The following DPP6 variants were observed in gnomAD, a reference collection of about 807,000 sequenced individuals.
The protein encoded by DPP6 is dipeptidyl peptidase like 6, also known as A-type potassium channel modulatory protein DPP6.
In DPP6, 69 loss-of-function variants were observed where a neutral mutation model predicts 122.6. The ratio of observed to expected loss-of-function variants is 0.56; its 90% CI spans 0.46 to 0.69. The LOEUF (loss-of-function observed/expected upper bound fraction) is 0.69. DPP6 is among the 30% of genes least tolerant of loss of function. DPP6 has a pLI of 0.00. For synonymous variants in DPP6, 418 were observed against 433.1 expected (o/e 0.97, Z 0.43); for missense variants, 928 against 1,116.9 (o/e 0.83, Z 2.41).
At chr7:154,055,797 G>A (rs1057358690) in intron 1 of DPP6, 13 of 152,216 alleles carry the variant, frequency 8.5e-5, no homozygotes, top group African/African-American at 3.1e-4. Context: ...TGGCTTTATC[G>A]CTGTTCTCTG....
At chr7:154,081,336 T>G (rs373389583) in intron 1 of DPP6, among the ~76,000 whole-genome samples, 5 of 147,016 alleles carry the variant, frequency 3.4e-5, no homozygotes, top group Non-Finnish European at 7.6e-5. Flanking sequence ...TTTCAACACC[T>G]TAGACTCTGA....
intron 1 of DPP6, among the ~76,000 whole-genome samples, chr7:154,136,198 T>C (rs1253654544): frequency 6.6e-6 from 1 of 152,184 alleles, no homozygotes; most frequent in Non-Finnish European, 1.5e-5. Context: ...TTTTTCTTGG[T>C]GGCACTTACA....
intron 1 of DPP6, among the ~76,000 whole-genome samples, chr7:154,142,164 C>A (rs1424333501): frequency 6.6e-6 from 1 of 151,524 alleles, no homozygotes; most frequent in South Asian, 2.1e-4. Context: ...TTAATTCATT[C>A]CACACATACT....
rs535125519 is a variant in DPP6 at position 154,604,753 on chromosome 7, T to A, written c.628-33068T>A. 1.1e-4 allele frequency among the ~76,000 whole-genome samples: 13 copies of A among 121,288 alleles called. 3 individuals carry two copies. Among genetic ancestry groups the A allele is most frequent in the Non-Finnish European group, 2.2e-4 (12 of 53,596 alleles). The allele number at this position is 121,288 out of a possible 152,430, so 79.6% of individuals were successfully genotyped here. A position where few individuals can be genotyped will look rare whatever the true frequency, so the allele number is the denominator to read the frequency against. On this transcript the variant is annotated intron_variant, in intron 5 of 25. Coordinates refer to ENST00000377770, the MANE Select transcript of DPP6 (RefSeq NM_130797.4). Reference sequence around the variant, plus strand: ...TCATTAGTAGGAATCTTGTATATAGTGAAGTTACCATTTTCTTGCTAAGTT... The same window carrying A: ...TCATTAGTAGGAATCTTGTATATAGAGAAGTTACCATTTTCTTGCTAAGTT...
chr7:154,764,124 G>A (rs1795749327), intron 8 of DPP6, among the ~76,000 whole-genome samples: 1 of 152,128 alleles, frequency 6.6e-6, no homozygotes, highest in African/African-American at 2.4e-5. Context: ...AAGCATTGCT[G>A]GGATACAGAG....
chr7:154,786,198 C>T (rs762998972), intron 10 of DPP6, among the ~76,000 whole-genome samples: 3 of 152,298 alleles, frequency 2.0e-5, no homozygotes, highest in African/African-American at 7.2e-5. Flanking sequence ...TCTTGAATAG[C>T]TAAAAATGTC....
At chr7:154,619,935 C>G (rs1336137316) in intron 5 of DPP6, among the ~76,000 whole-genome samples, 1 of 152,184 alleles carries the variant, frequency 6.6e-6, no homozygotes, top group Non-Finnish European at 1.5e-5. Context: ...TCTTGGTGTG[C>G]TCACAGAGAA....
intron 3 of DPP6, among the ~76,000 whole-genome samples, chr7:154,503,514 G>C (rs981688259): frequency 6.6e-6 from 1 of 152,144 alleles, no homozygotes; most frequent in Non-Finnish European, 1.5e-5. Flanking sequence ...ACACAATTTT[G>C]GCCACCATAA....
chr7:154,670,578 C>T (rs1047694850), intron 7 of DPP6, among the ~76,000 whole-genome samples: 3 of 152,204 alleles, frequency 2.0e-5, no homozygotes, highest in African/African-American at 4.8e-5. Flanking sequence ...TGTATTGCCA[C>T]GTGCAGAAAG....
chr7:153,883,432 G>T (rs1303717559), upstream of DPP6, among the ~76,000 whole-genome samples: 1 of 151,680 alleles, frequency 6.6e-6, no homozygotes, highest in Non-Finnish European at 1.5e-5. Flanking sequence ...GCCCAGGCCG[G>T]AGTGCAATGG....
At chr7:154,470,435 T>C (rs1370444642) in intron 2 of DPP6, among the ~76,000 whole-genome samples, 2 of 152,198 alleles carry the variant, frequency 1.3e-5, no homozygotes, top group Non-Finnish European at 2.9e-5. Flanking sequence ...TTTTCTTTGT[T>C]ACCAAGCTGA....
At chr7:154,271,910 T>C (rs1459618364) in intron 1 of DPP6, among the ~76,000 whole-genome samples, 1 of 152,210 alleles carries the variant, frequency 6.6e-6, no homozygotes, top group Admixed American at 6.5e-5. Flanking sequence ...AGGAAGATGT[T>C]GCCTTATAGA....
chr7:154,166,001 C>CTT (rs1185025947), intron 1 of DPP6, among the ~76,000 whole-genome samples: 1 of 152,120 alleles, frequency 6.6e-6, no homozygotes, highest in East Asian at 1.9e-4. Context: ...CCTCTCCTGC[C>CTT]TTTTTTTGGT....
intron 1 of DPP6, among the ~76,000 whole-genome samples, chr7:154,103,273 T>A (rs1805886163): frequency 6.6e-6 from 1 of 152,180 alleles, no homozygotes; most frequent in South Asian, 2.1e-4. Context: ...AGGAAGCGAC[T>A]CCATTCCGTC....
At chr7:154,731,447 G>T (rs897866857) in intron 8 of DPP6, among the ~76,000 whole-genome samples, 1 of 152,236 alleles carries the variant, frequency 6.6e-6, no homozygotes, top group Non-Finnish European at 1.5e-5. Flanking sequence ...GCTTCTGGGA[G>T]TCTCCAACCC....
chr7:154,488,604 G>A (rs1445142260), intron 3 of DPP6, among the ~76,000 whole-genome samples: 1 of 151,300 alleles, frequency 6.6e-6, no homozygotes, highest in Non-Finnish European at 1.5e-5. Context: ...TTTGATACTT[G>A]CCACTTATTG....
At chr7:153,874,500 C>T in the DPP6 span, among the ~76,000 whole-genome samples, 2 of 152,148 alleles carry the variant, frequency 1.3e-5, no homozygotes, top group Non-Finnish European at 2.9e-5. Flanking sequence ...CTCAGCCTCC[C>T]AAGTAGCTGG....
the DPP6 span, among the ~76,000 whole-genome samples, chr7:153,822,052 C>T: frequency 6.6e-6 from 1 of 152,078 alleles, no homozygotes; most frequent in Non-Finnish European, 1.5e-5. Flanking sequence ...ATTTCCTCAT[C>T]AGGTTGGCTT....
chr7:153,843,173 C>T, the DPP6 span, among the ~76,000 whole-genome samples: 5 of 151,880 alleles, frequency 3.3e-5, no homozygotes, highest in African/African-American at 4.8e-5. Context: ...CATACACACA[C>T]GAGTGCATAC....
Sources: allele counts gnomAD v4.1 joint callset (sites outside exome capture counted in the v4.1 genomes callset), GRCh38; gene constraint gnomAD v4.1.1; transcripts MANE v1.5; gene names NCBI Gene and HGNC (gene_info 2026-07-23, HGNC 2026-07-21).